Variants in BRCA2 observed in about 807,000 individuals in gnomAD.
BRCA2 encodes BRCA2 DNA repair associated.
Under a neutral mutation model 276.7 loss-of-function variants are expected in BRCA2, and 203 were observed. The ratio of observed to expected loss-of-function variants is 0.73; its 90% CI spans 0.65 to 0.82. The LOEUF is 0.82. BRCA2 is among the 40% of genes least tolerant of loss of function. The pLI is 0.00. For missense variants in BRCA2, 3,920 were observed against 3,915.0 expected (o/e 1.00, Z -0.03); for synonymous variants, 1,289 against 1,338.4 (o/e 0.96, Z 0.81).
At chr13:32,370,858 T>A in intron 19 of BRCA2, 98 bp from the exon 20 acceptor site, 1 of 1,478,612 alleles carries the variant, frequency 6.8e-7, no homozygotes, top group Admixed American at 1.7e-5. Flanking sequence ...CTCCCAAAGT[T>A]CTGGGATTAC....
At chr13:32,341,844 G>A (rs2072573410) in intron 11 of BRCA2, among the ~76,000 whole-genome samples, 1 of 151,456 alleles carries the variant, frequency 6.6e-6, no homozygotes, top group Admixed American at 6.6e-5. Context: ...CTCCAGCCTG[G>A]GCGACAGAGC....
At chr13:32,356,204 G>T (rs1290047787) in intron 14 of BRCA2, among the ~76,000 whole-genome samples, 1 of 151,326 alleles carries the variant, frequency 6.6e-6, no homozygotes, top group Admixed American at 6.6e-5. Flanking sequence ...CACCACACCT[G>T]GCTACTTTTG....
chr13:32,318,483 C>G (rs2072279493), intron 2 of BRCA2, among the ~76,000 whole-genome samples: 1 of 151,748 alleles, frequency 6.6e-6, no homozygotes, highest in Non-Finnish European at 1.5e-5. Context: ...GCTCTGTTGC[C>G]CAGGCTGGAA....
rs1555287788 is a variant in BRCA2 at position 32,371,082 on chromosome 13, G to A, written c.8614G>A (p.Glu2872Lys). The change falls in exon 20 of 27, where the codon GAA becomes AAA. Residue 2872 changes from glutamate to lysine, a missense_variant. Glu to Lys is a moderately conservative substitution (Grantham distance 56, BLOSUM62 1). Coordinates refer to ENST00000380152, the MANE Select transcript of BRCA2 (RefSeq NM_000059.4). The stretch of plus-strand genomic sequence containing the variant: ...AGCCTTATTCACTAAAATTCAGGAG[G>A]AATTTGAAGAACATGAAGGTAAAAT... ...LEALFTKIQE[E>K]FEEHEENTTK... 3 of 1,613,946 alleles carry A rather than the reference G, an allele frequency of 1.9e-6. No homozygotes were observed. The highest frequency in any genetic ancestry group is 2.5e-6 in the Non-Finnish European group (3 of 1,179,904).
intron 24 of BRCA2, among the ~76,000 whole-genome samples, chr13:32,386,343 G>C (rs1343037150): frequency 6.6e-6 from 1 of 152,174 alleles, no homozygotes; most frequent in Non-Finnish European, 1.5e-5. Flanking sequence ...GGGAAGCGGA[G>C]GTTGCAGTGA....
At chr13:32,334,040 T>G (rs1055693445) in intron 10 of BRCA2, among the ~76,000 whole-genome samples, 1 of 152,226 alleles carries the variant, frequency 6.6e-6, no homozygotes, top group African/African-American at 2.4e-5. Context: ...TTTGGGTTGA[T>G]TCCATGTCTG....
In BRCA2 at chr13:32,332,356, A is replaced by G. The variant is rs1308506534; in HGVS notation, c.878A>G (p.Asp293Gly). ...AAGTCAATGCCAAATGTCCTAGAAG[A>G]TGAAGTATATGAAACAGTTGTAGAT... ...IGKSMPNVLE[D>G]EVYETVVDTS... The change falls in exon 10 of 27, where the codon GAT becomes GGT. Residue 293 changes from aspartate to glycine, a missense_variant. Physicochemically the swap from Asp to Gly is moderately conservative, Grantham distance 94 (BLOSUM62 -1). Transcript: ENST00000380152. The G allele has an allele frequency of 1.3e-6, 2 of 1,596,490 alleles. No individual in the cohort carries two copies. The highest frequency in any genetic ancestry group is 1.1e-5 in the South Asian group (1 of 87,748).
At chr13:32,390,910 A>G (rs1038175767) in intron 24 of BRCA2, among the ~76,000 whole-genome samples, 4 of 152,136 alleles carry the variant, frequency 2.6e-5, no homozygotes, top group Admixed American at 6.5e-5. Context: ...TTCATTTGCT[A>G]TTATCATCCC....
At chr13:32,395,579 T>G (rs1566259501) in intron 25 of BRCA2, among the ~76,000 whole-genome samples, 1 of 152,194 alleles carries the variant, frequency 6.6e-6, no homozygotes, top group Non-Finnish European at 1.5e-5. Flanking sequence ...AATGCCAAGT[T>G]AGTAAAACTA....
intron 9 of BRCA2, 141 bp downstream of exon 9, chr13:32,331,171 T>C: frequency 1.5e-6 from 1 of 661,484 alleles, no homozygotes; most frequent in Non-Finnish European, 2.7e-6. Context: ...CGATCCTGCC[T>C]CAGCTTGCCA....
rs755777054 is a variant in BRCA2 at position 32,362,508 on chromosome 13, CT to C, written c.7806-11del. ...ATGTGGTTTTTATGATAATATTCTA[CT>C]TTTATTTGTTCAGGGCTCTGTGTGA... On this transcript the variant is annotated splice_polypyrimidine_tract_variant and intron_variant, in intron 16 of 26. Coordinates refer to ENST00000380152, the MANE Select transcript of BRCA2 (RefSeq NM_000059.4). 3 of 1,609,848 alleles carry C rather than the reference CT, an allele frequency of 1.9e-6. No individual in the cohort carries two copies. The highest frequency in any genetic ancestry group is 1.3e-5 in the African/African-American group (1 of 74,726).
chr13:32,339,986 C>T lies in BRCA2; in HGVS notation c.5631C>T (p.Asn1877=), dbSNP rs374326934. 4.0e-5 allele frequency: 64 copies of T among 1,611,510 alleles called. No homozygotes were observed. Among genetic ancestry groups the T allele is most frequent in the Non-Finnish European group, 5.1e-5 (60 of 1,179,274 alleles). ...GTTTCAGTAAAGTAATTAAGGAAAACAACGAGAATAAATCAAAAATTTGCC... is the reference window on the plus strand; with the variant it reads ...GTTTCAGTAAAGTAATTAAGGAAAATAACGAGAATAAATCAAAAATTTGCC... ...TDSFSKVIKE[N]NENKSKICQT... is the part of the protein sequence containing the mutation. Residue 1877 remains asparagine, a synonymous_variant, in exon 11 of 27, where the codon AAC becomes AAT. Coordinates refer to ENST00000380152, the MANE Select transcript of BRCA2 (RefSeq NM_000059.4).
At chr13:32,316,370 A>G (rs1161015827) in intron 1 of BRCA2, 52 bp from the exon 2 acceptor site, 2 of 1,145,306 alleles carry the variant, frequency 1.7e-6, no homozygotes, top group African/African-American at 1.6e-5. Flanking sequence ...CCTCAGTCAC[A>G]TAATAAGGAA....
chr13:32,346,936 T>C (rs2072616033), intron 13 of BRCA2, 40 bp downstream of exon 13: 1 of 1,480,346 alleles, frequency 6.8e-7, no homozygotes, highest in Non-Finnish European at 9.3e-7. Flanking sequence ...TAATACAGTA[T>C]GAGAAAAGTC....
chr13:32,351,017 A>C (rs1048911638), intron 13 of BRCA2, among the ~76,000 whole-genome samples: 1 of 152,128 alleles, frequency 6.6e-6, no homozygotes, highest in Non-Finnish European at 1.5e-5. Context: ...AGGTTTGTAA[A>C]TGCACCAATC....
chr13:32,345,744 T>C (rs953282499), intron 12 of BRCA2, among the ~76,000 whole-genome samples: 3 of 152,074 alleles, frequency 2.0e-5, no homozygotes, highest in South Asian at 2.1e-4. Flanking sequence ...AAACACCTTA[T>C]ACATATAACT....
chr13:32,318,297 CA>C (rs1337357874), intron 2 of BRCA2, among the ~76,000 whole-genome samples: 1 of 152,164 alleles, frequency 6.6e-6, no homozygotes, highest in Admixed American at 6.5e-5. Flanking sequence ...ATGAATAGCT[CA>C]CAATACAAAT....
chr13:32,385,581 G>C, intron 24 of BRCA2: 2 of 270,764 alleles, frequency 7.4e-6, no homozygotes, highest in Non-Finnish European at 1.5e-5. Flanking sequence ...TCCAAATGAA[G>C]GAAGCTACCA....
At position 32,339,181 on chromosome 13, in the gene BRCA2, CTG is replaced by C. The variant is rs80359468; in HGVS notation, c.4829_4830del (p.Val1610GlyfsTer4). 3.1e-6 allele frequency: 5 copies of C among 1,613,700 alleles called. No homozygotes were observed. Among genetic ancestry groups the C allele is most frequent in the Non-Finnish European group, 1.7e-6 (2 of 1,179,686 alleles). On this transcript the variant is annotated frameshift_variant, in exon 11 of 27. Transcript: ENST00000380152. LOFTEE classifies it high-confidence loss of function. ...GATAAAAACCTTGTTTCTATTGAGA[CTG>C]TGGTGCCACCTAAGCTCTTAAGTGA...
Sources: gnomAD v4.1 joint callset for allele counts (sites outside exome capture counted in the v4.1 genomes callset) on GRCh38, gnomAD v4.1.1 for gene constraint, MANE v1.5 for transcripts, NCBI Gene and HGNC (gene_info 2026-07-23, HGNC 2026-07-21) for gene names.